Variants in GLYR1 observed in about 807,000 individuals in gnomAD.
GLYR1 encodes the protein glyoxylate reductase 1 homolog.
Under a neutral mutation model 72.7 loss-of-function variants are expected in GLYR1, and 21 were observed. The ratio of observed to expected loss-of-function variants is 0.29; its 90% CI spans 0.20 to 0.42. The LOEUF (loss-of-function observed/expected upper bound fraction) is 0.42, where lower values mean the gene tolerates loss of function less well. GLYR1 is among the 10% of genes least tolerant of loss of function. GLYR1 has a pLI of 1.00. For synonymous variants in GLYR1, 392 were observed against 270.2 expected (o/e 1.45, Z -4.42); for missense variants, 594 against 712.1 (o/e 0.83, Z 1.89).
At chr16:4,823,431 G>A (rs530289922) in intron 6 of GLYR1, among the ~76,000 whole-genome samples, 5 of 152,200 alleles carry the variant, frequency 3.3e-5, no homozygotes, top group South Asian at 2.1e-4. Flanking sequence ...AGGTGTAGCC[G>A]CACCAAGGAT....
rs575473277 is a variant in GLYR1, at chr16:4,811,125, A to C, written c.1587+45T>G. ...GTTAAAAAAAAAAAAAAAAGAAAGAAAAAGAAACTGAAGGGCCTTGGGGCT... is the reference window on the plus strand; with the variant it reads ...GTTAAAAAAAAAAAAAAAAGAAAGACAAAGAAACTGAAGGGCCTTGGGGCT... On this transcript the variant is annotated intron_variant, in intron 15 of 15. Coordinates refer to ENST00000321919, the MANE Select transcript of GLYR1 (RefSeq NM_032569.4). 47 of 1,573,020 alleles carry C rather than the reference A, an allele frequency of 3.0e-5. No individual in the cohort carries two copies. In the African/African-American group the frequency reaches 6.1e-4, roughly 20 times the overall value.
intron 15 of GLYR1, among the ~76,000 whole-genome samples, chr16:4,809,868 G>A (rs145349261): frequency 6.6e-6 from 1 of 151,844 alleles, no homozygotes; most frequent in African/African-American, 2.4e-5. Context: ...AGGTTGCGGT[G>A]AGCCGAGATC....
chr16:4,812,071 G>T lies in GLYR1; in HGVS notation c.1282+15C>A, dbSNP rs1316863213. 6.2e-7 allele frequency: 1 copy of T among 1,610,698 alleles called. No individual in the cohort carries two copies. The highest frequency in any genetic ancestry group is 1.1e-5 in the South Asian group (1 of 90,728). ...TGGCCCCAGGCTCCAGGCCTGACAG[G>T]TGCAGGCGTGTTACCTAGGAAGAAG... On this transcript the variant is annotated intron_variant, in intron 13 of 15. Coordinates refer to ENST00000321919, the MANE Select transcript of GLYR1 (RefSeq NM_032569.4).
Position 4,817,714 on chromosome 16 carries a change from CTGA to C in GLYR1, c.807-20_807-18del. ...AATCCTATCCTGAAACAGAGAGAGA[CTGA>C]TGAGTTCAGGGTGGAAAGGGAGGGT... On this transcript the variant is annotated intron_variant, in intron 9 of 15. Coordinates refer to ENST00000321919, the MANE Select transcript of GLYR1 (RefSeq NM_032569.4). 2 of 1,493,550 alleles carry C rather than the reference CTGA, an allele frequency of 1.3e-6. No individual in the cohort carries two copies. Among genetic ancestry groups the C allele is most frequent in the Non-Finnish European group, 1.9e-6 (2 of 1,070,190 alleles). The allele number at this position is 1,493,550 out of a possible 1,614,324, so 92.5% of individuals were successfully genotyped here. A position where few individuals can be genotyped will look rare whatever the true frequency, so the allele number is the denominator to read the frequency against.
intron 3 of GLYR1, among the ~76,000 whole-genome samples, chr16:4,841,364 T>C (rs1329144620): frequency 1.5e-5 from 2 of 134,260 alleles, no homozygotes; most frequent in Non-Finnish European, 3.0e-5. Context: ...CTCATGCCCA[T>C]AATGCCAGTA....
intron 7 of GLYR1, among the ~76,000 whole-genome samples, chr16:4,822,047 C>T (rs2084065840): frequency 6.6e-6 from 1 of 152,244 alleles, no homozygotes; most frequent in African/African-American, 2.4e-5. Flanking sequence ...GCCCTAAACT[C>T]TAAAGGTCAC....
chr16:4,813,815 C>G lies in GLYR1; in HGVS notation c.1041G>C (p.Val347=), dbSNP rs200360829. Reference sequence around the variant, plus strand: ...ACTTCCCAGGGCGGATCCCTTGCAGCACACCACTGGGGCCCAGCACCAGCT... The same window carrying G: ...ACTTCCCAGGGCGGATCCCTTGCAGGACACCACTGGGGCCCAGCACCAGCT... ...AKDLVLGPSG[V]LQGIRPGKCY... The change falls in exon 12 of 16, where the codon GTG becomes GTC. Residue 347 remains valine, a synonymous_variant. Coordinates refer to ENST00000321919, the MANE Select transcript of GLYR1 (RefSeq NM_032569.4). 2 of 1,612,760 alleles carry G rather than the reference C, an allele frequency of 1.2e-6. No individual in the cohort carries two copies. Among genetic ancestry groups the G allele is most frequent in the African/African-American group, 2.7e-5 (2 of 75,010 alleles).
chr16:4,820,361 T>C (rs2141982349), intron 9 of GLYR1, among the ~76,000 whole-genome samples: 1 of 152,270 alleles, frequency 6.6e-6, no homozygotes, highest in African/African-American at 2.4e-5. Flanking sequence ...GAAATGTGGA[T>C]TAAGGTGGGT....
chr16:4,832,011 G>T lies in GLYR1; in HGVS notation c.505C>A (p.Arg169=). 5.0e-6 allele frequency: 8 copies of T among 1,614,044 alleles called. No homozygotes were observed. Among genetic ancestry groups the T allele is most frequent in the African/African-American group, 1.3e-5 (1 of 75,010 alleles). ...PLKRAQEQSP[R]KRGRPPKDEK... is the part of the protein sequence containing the mutation. The stretch of plus-strand genomic sequence containing the variant: ...TCCTTTGGGGGCCGACCCCGCTTCC[G>T]GGGACTTTGCTCTTGGGCTCTTTTC... Residue 169 remains arginine, a synonymous_variant, in exon 5 of 16, where the codon CGG becomes AGG. Transcript: ENST00000321919.
chr16:4,845,322 G>A (rs1452309598), intron 2 of GLYR1, among the ~76,000 whole-genome samples, 169 bp from the exon 3 acceptor site: 1 of 152,170 alleles, frequency 6.6e-6, no homozygotes, highest in African/African-American at 2.4e-5. Context: ...CCTAGTACTT[G>A]TCTAAATCTC....
In GLYR1 at chr16:4,832,800, G is replaced by A; in HGVS notation, c.268C>T (p.Leu90Phe). ...TGGTCTTTCCCTTTGGCTCTCCTGA[G>A]GAACTCTTCGACAGCATCTACCGCT... is the stretch of plus-strand genomic sequence containing the variant. ...QQAVDAVEEF[L>F]RRAKGKDQTS... The change falls in exon 4 of 16, where the codon CTC becomes TTC. Residue 90 changes from leucine (L) to phenylalanine (F), a missense_variant. Around this residue, in one of 5 missense-constraint regions of GLYR1, gnomAD observed 252 missense variants for 211.3 expected, o/e 1.19. Coordinates refer to ENST00000321919, the MANE Select transcript of GLYR1 (RefSeq NM_032569.4). 1 of 1,612,068 alleles carries A rather than the reference G, an allele frequency of 6.2e-7. No homozygotes were observed. The highest frequency in any genetic ancestry group is 1.1e-5 in the South Asian group (1 of 90,460).
At chr16:4,812,022 C>A in intron 13 of GLYR1, 64 bp downstream of exon 13, 1 of 1,557,968 alleles carries the variant, frequency 6.4e-7, no homozygotes. Context: ...CTGACGCTGT[C>A]ATCAGTGTGA....
At chr16:4,820,914 C>T (rs911012193) in intron 9 of GLYR1, among the ~76,000 whole-genome samples, 1 of 152,230 alleles carries the variant, frequency 6.6e-6, no homozygotes, top group Non-Finnish European at 1.5e-5. Flanking sequence ...GCACTTTCAT[C>T]TCCCTTCCCC....
Position 4,803,421 on chromosome 16 carries a change from T to C in GLYR1, c.*1815A>G, listed in dbSNP as rs1203280759. 1 of 152,678 alleles carries C rather than the reference T, an allele frequency of 6.5e-6. No homozygotes were observed. The highest frequency in any genetic ancestry group is 2.4e-5 in the African/African-American group (1 of 41,452). 9.5% of individuals were successfully genotyped at this position (152,678 alleles called of 1,614,324 possible). ...GGGAGGGGCTTTCTTACAAGCTTTT[T>C]CACAAGTGTCACATTTTCTCCTTAA... On this transcript the variant is annotated 3_prime_UTR_variant, in exon 16 of 16. Coordinates refer to ENST00000321919, the MANE Select transcript of GLYR1 (RefSeq NM_032569.4).
intron 5 of GLYR1, among the ~76,000 whole-genome samples, chr16:4,824,498 C>CAAAAAAAAAAAAAAAAAA: frequency 1.1e-5 from 1 of 95,156 alleles, no homozygotes; most frequent in Non-Finnish European, 2.1e-5. Flanking sequence ...GACTCCATCT[C>CAAAAAAAAAAAAAAAAAA]AAAAAAAAAA....
At position 4,814,434 on chromosome 16, in the gene GLYR1, C is replaced by T. The variant is rs557068250; in HGVS notation, c.1017+103G>A. 2.1e-5 allele frequency: 18 copies of T among 848,220 alleles called. 1 individual carries two copies. Among genetic ancestry groups the T allele is most frequent in the East Asian group, 9.7e-5 (4 of 41,026 alleles). 52.5% of individuals were successfully genotyped at this position (848,220 alleles called of 1,614,324 possible). ...GCCCCTGATGGGAAATTCAGCCCCC[C>T]ACATGTGGACACTCACTTGGTGTGC... On this transcript the variant is annotated intron_variant, in intron 11 of 15. Transcript: ENST00000321919.
Position 4,804,702 on chromosome 16 carries a change from G to C in GLYR1, c.*534C>G. The C allele has an allele frequency of 6.2e-6, 1 of 161,840 alleles. No homozygotes were observed. The highest frequency in any genetic ancestry group is 1.7e-4 in the South Asian group (1 of 5,970). 10.0% of individuals were successfully genotyped at this position (161,840 alleles called of 1,614,324 possible). A position where few individuals can be genotyped will look rare whatever the true frequency, so the allele number is the denominator to read the frequency against. ...GTTGGAGGGCCCCAAGGGCCCCTCTGTCTGGAGTCTGTACTGGCTCATCTG... is the reference window on the plus strand; with the variant it reads ...GTTGGAGGGCCCCAAGGGCCCCTCTCTCTGGAGTCTGTACTGGCTCATCTG... On this transcript the variant is annotated 3_prime_UTR_variant, in exon 16 of 16. Coordinates refer to ENST00000321919, the MANE Select transcript of GLYR1 (RefSeq NM_032569.4).
chr16:4,819,498 AC>A (rs1292729645), intron 9 of GLYR1, among the ~76,000 whole-genome samples: 1 of 151,844 alleles, frequency 6.6e-6, no homozygotes, highest in African/African-American at 2.4e-5. Flanking sequence ...TTTTGTAGAG[AC>A]GGGGTCTTGC....
intron 9 of GLYR1, among the ~76,000 whole-genome samples, chr16:4,820,988 C>T (rs757745903): frequency 6.6e-6 from 1 of 152,270 alleles, no homozygotes; most frequent in Non-Finnish European, 1.5e-5. Flanking sequence ...GTGGTTCTCA[C>T]AGCGTAGCTC....
Sources: allele counts gnomAD v4.1 joint callset (sites outside exome capture counted in the v4.1 genomes callset), GRCh38; gene constraint gnomAD v4.1.1; regional missense constraint gnomAD v4.1.1; transcripts MANE v1.5; gene names NCBI Gene and HGNC (gene_info 2026-07-23, HGNC 2026-07-21).